Variants in PRKAR1B observed in about 807,000 individuals in gnomAD.
PRKAR1B encodes protein kinase cAMP-dependent type I regulatory subunit beta, also known as cAMP-dependent protein kinase type I-beta regulatory subunit.
Under a neutral mutation model 46.5 loss-of-function variants are expected in PRKAR1B, and 22 were observed. The observed-to-expected ratio is 0.47, with a 90% CI of 0.34 to 0.68. The LOEUF is 0.68. Among genes scored for constraint, PRKAR1B ranks in the 30% least tolerant of loss-of-function variants. The pLI, the probability that PRKAR1B is intolerant of heterozygous loss-of-function variation, is 0.01. For synonymous variants in PRKAR1B, 259 were observed against 217.7 expected (o/e 1.19, Z -1.67); for missense variants, 445 against 535.6 (o/e 0.83, Z 1.67).
intron 9 of PRKAR1B, among the ~76,000 whole-genome samples, chr7:563,883 GTA>G (rs1301005481): frequency 6.6e-6 from 1 of 151,898 alleles, no homozygotes; most frequent in African/African-American, 2.4e-5. Flanking sequence ...TTGTGGGTGT[GTA>G]TATGTGCATG....
At chr7:662,359 C>T (rs1327747454) in intron 4 of PRKAR1B, among the ~76,000 whole-genome samples, 1 of 137,040 alleles carries the variant, frequency 7.3e-6, no homozygotes, top group Non-Finnish European at 1.6e-5. Flanking sequence ...CACAGGTCCC[C>T]ACCCCAACGG....
intron 2 of PRKAR1B, among the ~76,000 whole-genome samples, chr7:705,506 C>A (rs555459150): frequency 6.6e-6 from 1 of 152,112 alleles, no homozygotes; most frequent in Non-Finnish European, 1.5e-5. Context: ...CATACACTTA[C>A]CCTATGACCC....
chr7:691,445 G>T, intron 2 of PRKAR1B: 2 of 1,273,312 alleles, frequency 1.6e-6, no homozygotes, highest in Non-Finnish European at 2.1e-6. Context: ...TGGAGAGGGA[G>T]TGCCTCCACT....
chr7:577,015 G>A (rs573268604), intron 9 of PRKAR1B, among the ~76,000 whole-genome samples: 26 of 148,892 alleles, frequency 1.7e-4, no homozygotes, highest in African/African-American at 3.3e-4. Flanking sequence ...TCCATCAGTC[G>A]CCTCACCCAA....
intron 4 of PRKAR1B, among the ~76,000 whole-genome samples, chr7:611,018 G>A (rs1782450904): frequency 1.3e-5 from 2 of 152,188 alleles, no homozygotes; most frequent in South Asian, 4.1e-4. Context: ...TGCGGGGGCC[G>A]AGGGCAGAGC....
chr7:703,581 G>A (rs538718460), intron 2 of PRKAR1B, among the ~76,000 whole-genome samples: 5 of 151,936 alleles, frequency 3.3e-5, no homozygotes, highest in African/African-American at 7.2e-5. Flanking sequence ...GCACGAACCC[G>A]GGAGGTGGAG....
Position 608,753 on chromosome 7 carries a change from AAGGCTGGGGGGCCTCCACT to A in PRKAR1B, c.441-1320_441-1302del, listed in dbSNP as rs1562559800. On this transcript the variant is annotated intron_variant, in intron 4 of 10. Transcript: ENST00000537384. ...GTCAGTGTGTGGCAGGGCTGTAGGG[AAGGCTGGGGGGCCTCCACT>A]GTCCTCCCACCTGGGGAGGGGTCAG... Among the ~76,000 whole-genome samples the A allele has an allele frequency of 6.7e-4, 68 of 102,092 alleles. 5 individuals carry two copies. The highest frequency in any genetic ancestry group is 7.4e-4 in the South Asian group (2 of 2,690). 67.0% of individuals were successfully genotyped at this position (102,092 alleles called of 152,430 possible).
intron 4 of PRKAR1B, among the ~76,000 whole-genome samples, chr7:670,562 G>A (rs937859559): frequency 6.7e-6 from 1 of 150,112 alleles, no homozygotes; most frequent in Non-Finnish European, 1.5e-5. Context: ...GAGGGGCTCA[G>A]GACCGAGGAC....
At chr7:676,892 G>C (rs1239343507) in intron 4 of PRKAR1B, among the ~76,000 whole-genome samples, 9 of 136,290 alleles carry the variant, frequency 6.6e-5, no homozygotes, top group East Asian at 2.3e-4. Flanking sequence ...CTCCCGGAGG[G>C]CAAGGAGGGC....
intron 4 of PRKAR1B, among the ~76,000 whole-genome samples, chr7:617,261 G>A (rs1228322774): frequency 1.3e-5 from 2 of 149,936 alleles, no homozygotes; most frequent in African/African-American, 4.9e-5. Flanking sequence ...CCAAAGTGCT[G>A]GGATTACAGG....
chr7:612,014 G>A (rs984562417), intron 4 of PRKAR1B, among the ~76,000 whole-genome samples: 5 of 152,030 alleles, frequency 3.3e-5, no homozygotes, highest in African/African-American at 4.8e-5. Flanking sequence ...TGGACGGACA[G>A]GTGGGTGGAT....
intron 6 of PRKAR1B, 33 bp downstream of exon 6, chr7:606,160 G>C: frequency 6.2e-7 from 1 of 1,611,392 alleles, no homozygotes; most frequent in Non-Finnish European, 8.5e-7. Context: ...GCAAAGACGC[G>C]CTATTTTCCA....
chr7:569,394 GC>G (rs1779368032), intron 9 of PRKAR1B, among the ~76,000 whole-genome samples: 1 of 152,214 alleles, frequency 6.6e-6, no homozygotes, highest in Non-Finnish European at 1.5e-5. Context: ...GTCCCCTGGA[GC>G]CATCTCACAG....
At chr7:587,366 C>T (rs1780659374) in intron 7 of PRKAR1B, among the ~76,000 whole-genome samples, 1 of 152,212 alleles carries the variant, frequency 6.6e-6, no homozygotes, top group African/African-American at 2.4e-5. Flanking sequence ...AGGGCTGTGC[C>T]CATCACATTG....
chr7:640,765 A>AACAC (rs71546454), intron 4 of PRKAR1B, among the ~76,000 whole-genome samples: 6,597 of 108,000 alleles, frequency 0.061, 214 homozygotes, highest in Admixed American at 0.1. Flanking sequence ...CTCTGTCTCA[A>AACAC]ACACACACAC....
rs1195160580 is a variant in PRKAR1B at position 639,477 on chromosome 7, A to C, written c.441-32025T>G. Among the ~76,000 whole-genome samples, 4 of 152,268 alleles carry C rather than the reference A, an allele frequency of 2.6e-5. No individual in the cohort carries two copies. The East Asian group carries it at 7.7e-4, about 29-fold the overall frequency. ...AATGTAAGAGCTGAAACTATAAAAG[A>C]AGACAAAATCAGAGAAAATCTTCAT... is the stretch of plus-strand genomic sequence containing the variant. On this transcript the variant is annotated intron_variant, in intron 4 of 10. Coordinates refer to ENST00000537384, the MANE Select transcript of PRKAR1B (RefSeq NM_001164760.2).
chr7:585,352 C>T (rs1780535559), intron 7 of PRKAR1B, among the ~76,000 whole-genome samples: 1 of 152,134 alleles, frequency 6.6e-6, no homozygotes, highest in African/African-American at 2.4e-5. Flanking sequence ...GTACAGTGCA[C>T]GAACTCCACA....
At chr7:653,526 A>T (rs1375193086) in intron 4 of PRKAR1B, among the ~76,000 whole-genome samples, 1 of 152,166 alleles carries the variant, frequency 6.6e-6, no homozygotes, top group Non-Finnish European at 1.5e-5. Flanking sequence ...TGGCCACTGG[A>T]CAGGGGCCTC....
intron 6 of PRKAR1B, among the ~76,000 whole-genome samples, chr7:604,324 C>G (rs557824316): frequency 6.6e-6 from 1 of 152,228 alleles, no homozygotes; most frequent in Non-Finnish European, 1.5e-5. Flanking sequence ...AGGGTTGACC[C>G]GCCAGTGCCG....
Sources: gnomAD v4.1 joint callset for allele counts (sites outside exome capture counted in the v4.1 genomes callset) on GRCh38, gnomAD v4.1.1 for gene constraint, MANE v1.5 for transcripts, NCBI Gene and HGNC (gene_info 2026-07-23, HGNC 2026-07-21) for gene names.